Variants in ADAMTSL1 observed in about 807,000 individuals in gnomAD.
ADAMTSL1 encodes ADAMTS-like protein 1.
In ADAMTSL1, 126 loss-of-function variants were observed where a neutral mutation model predicts 201.8. The ratio of observed to expected loss-of-function variants is 0.62; its 90% confidence interval spans 0.54 to 0.72. ADAMTSL1 has a LOEUF of 0.72. Ranked by LOEUF, ADAMTSL1 falls within the 30% of genes least tolerant of loss-of-function variation. The pLI is 0.00. For missense variants in ADAMTSL1, 2,679 were observed against 2,277.8 expected (o/e 1.18, Z -3.59); for synonymous variants, 1,121 against 903.4 (o/e 1.24, Z -4.32).
chr9:18,261,012 CTTTTTTTTT>C (rs3085417), intron 2 of ADAMTSL1, among the ~76,000 whole-genome samples: 1 of 104,232 alleles, frequency 9.6e-6, no homozygotes, highest in African/African-American at 3.7e-5. Context: ...TTTCCTTTTT[CTTTTTTTTT>C]TTTTTTTGTG....
intron 1 of ADAMTSL1, among the ~76,000 whole-genome samples, chr9:18,100,322 C>T (rs1050448884): frequency 2.6e-5 from 4 of 152,040 alleles, no homozygotes; most frequent in Non-Finnish European, 5.9e-5. Context: ...GCTCTATCAC[C>T]CAGGCTAGAG....
At chr9:18,025,602 T>C (rs1021623725) in intron 1 of ADAMTSL1, among the ~76,000 whole-genome samples, 3 of 152,120 alleles carry the variant, frequency 2.0e-5, no homozygotes, top group Non-Finnish European at 4.4e-5. Context: ...TTCTGTTCCA[T>C]TGGTCTATGT....
intron 1 of ADAMTSL1, among the ~76,000 whole-genome samples, chr9:18,040,026 AC>A (rs1184297188): frequency 1.3e-5 from 2 of 152,170 alleles, no homozygotes; most frequent in African/African-American, 2.4e-5. Context: ...GATGGTCCTG[AC>A]TTATGCCTAT....
intron 2 of ADAMTSL1, among the ~76,000 whole-genome samples, chr9:18,350,266 T>C (rs546010950): frequency 1.6e-4 from 25 of 152,056 alleles, no homozygotes; most frequent in African/African-American, 5.8e-4. Context: ...CTCGGAACAA[T>C]GGCTTTATTC....
intron 1 of ADAMTSL1, among the ~76,000 whole-genome samples, chr9:18,486,428 G>A (rs1299501257): frequency 6.6e-6 from 1 of 152,212 alleles, no homozygotes; most frequent in Admixed American, 6.5e-5. Context: ...GGCCTAGCCA[G>A]CATGGTGGCC....
Position 18,181,027 on chromosome 9 carries a change from C to A in ADAMTSL1, c.207+17046C>A, listed in dbSNP as rs548175157. Among the ~76,000 whole-genome samples, 9 of 152,148 alleles carry A rather than the reference C, an allele frequency of 5.9e-5. No individual in the cohort carries two copies. The South Asian group carries it at 8.3e-4, about 14-fold the overall frequency. On this transcript the variant is annotated intron_variant, in intron 2 of 29. Coordinates refer to the ADAMTSL1 transcript ENST00000680146. ...CTTTGACAAACCTGACAAAAACAAG[C>A]AATGGGGAAAGGATTCCCTATTTAA... is the stretch of plus-strand genomic sequence containing the variant.
At position 18,530,927 on chromosome 9, in the gene ADAMTSL1, C is replaced by A. The variant is rs965209940; in HGVS notation, c.192-2320C>A. Among the ~76,000 whole-genome samples, 3 of 152,220 alleles carry A rather than the reference C, an allele frequency of 2.0e-5. 1 individual carries two copies. In the South Asian group the frequency reaches 6.2e-4, roughly 32 times the overall value. On this transcript the variant is annotated intron_variant, in intron 2 of 28. Transcript: ENST00000380548. ...GGAACTTCAAAATTGAAAAGCATAC[C>A]ACATTTTGCAAACACCAGTGTCTAG...
intron 25 of ADAMTSL1, 56 bp from the exon 26 acceptor site, chr9:18,892,333 C>G: frequency 6.5e-7 from 1 of 1,544,380 alleles, no homozygotes; most frequent in South Asian, 1.2e-5. Flanking sequence ...GAGGAGGTCT[C>G]TTTTCCCCAG....
Position 17,955,974 on chromosome 9 carries a change from A to C in ADAMTSL1, c.87+49052A>C, listed in dbSNP as rs576732976. 1.8e-4 allele frequency among the ~76,000 whole-genome samples: 28 copies of C among 152,294 alleles called. No individual in the cohort carries two copies. The South Asian group carries it at 5.6e-3, about 30-fold the overall frequency. ...AATTTCCCTTTTAGACACATTTTTTAAAACAAATCTGAAAGCTTTCAAAGC... is the reference window on the plus strand; with the variant it reads ...AATTTCCCTTTTAGACACATTTTTTCAAACAAATCTGAAAGCTTTCAAAGC... On this transcript the variant is annotated intron_variant, in intron 1 of 29. Transcript: ENST00000680146.
chr9:18,898,352 C>T (rs944384023), intron 26 of ADAMTSL1, among the ~76,000 whole-genome samples: 1 of 152,182 alleles, frequency 6.6e-6, no homozygotes, highest in African/African-American at 2.4e-5. Context: ...GAAAACACAA[C>T]ACGAGAAATT....
chr9:18,869,058 C>T lies in ADAMTSL1; in HGVS notation c.4250-18773C>T, dbSNP rs761338331. On this transcript the variant is annotated intron_variant, in intron 23 of 28. Coordinates refer to ENST00000380548, the MANE Select transcript of ADAMTSL1 (RefSeq NM_001040272.6). ...TATGGAAAGGTGAAATTTAGATATA[C>T]GCAGACATGCACACAAGGCAGAACT... Among the ~76,000 whole-genome samples the T allele has an allele frequency of 4.6e-5, 7 of 152,164 alleles. No individual in the cohort carries two copies. The South Asian group carries it at 8.3e-4, about 18-fold the overall frequency.
chr9:18,664,372 C>A (rs1473815100), intron 9 of ADAMTSL1, among the ~76,000 whole-genome samples: 1 of 151,502 alleles, frequency 6.6e-6, no homozygotes, highest in Non-Finnish European at 1.5e-5. Flanking sequence ...AGAATCAAAC[C>A]CCCAGGAAGC....
intron 20 of ADAMTSL1, among the ~76,000 whole-genome samples, chr9:18,797,250 G>A (rs1027851437): frequency 4.6e-5 from 7 of 152,226 alleles, no homozygotes; most frequent in Non-Finnish European, 7.3e-5. Flanking sequence ...GTATAGGTCT[G>A]CTGGAAAGTC....
chr9:18,386,223 T>G (rs566905556), intron 2 of ADAMTSL1, among the ~76,000 whole-genome samples: 1 of 152,306 alleles, frequency 6.6e-6, no homozygotes, highest in South Asian at 2.1e-4. Flanking sequence ...AATATACTGT[T>G]GGTTCATGGA....
At chr9:18,718,711 A>T (rs1273285296) in intron 14 of ADAMTSL1, among the ~76,000 whole-genome samples, 1 of 152,170 alleles carries the variant, frequency 6.6e-6, no homozygotes, top group South Asian at 2.1e-4. Context: ...CCTAAGTTCT[A>T]TCAAGAAGGA....
chr9:18,249,455 A>C (rs1184228032), intron 2 of ADAMTSL1, among the ~76,000 whole-genome samples: 1 of 152,170 alleles, frequency 6.6e-6, no homozygotes, highest in East Asian at 1.9e-4. Flanking sequence ...TAACATAGAG[A>C]CATCAATATA....
At chr9:18,698,197 A>G (rs151065039) in intron 13 of ADAMTSL1, among the ~76,000 whole-genome samples, 235 of 152,336 alleles carry the variant, frequency 1.5e-3, no homozygotes, top group African/African-American at 5.3e-3. Flanking sequence ...TAGAAGCTTC[A>G]TGTACACTGA....
At chr9:18,498,337 C>CTT (rs1462592812) in intron 1 of ADAMTSL1, among the ~76,000 whole-genome samples, 2 of 144,696 alleles carry the variant, frequency 1.4e-5, no homozygotes, top group South Asian at 2.2e-4. Context: ...CCCCCCACCC[C>CTT]CTTTTTTTTT....
chr9:18,048,156 T>C (rs1173693271), intron 1 of ADAMTSL1, among the ~76,000 whole-genome samples: 4 of 152,214 alleles, frequency 2.6e-5, no homozygotes, highest in Non-Finnish European at 4.4e-5. Context: ...TATTGTGTCA[T>C]GGTATGTACT....
Sources: allele counts gnomAD v4.1 joint callset (sites outside exome capture counted in the v4.1 genomes callset), GRCh38; gene constraint gnomAD v4.1.1; transcripts MANE v1.5; gene names NCBI Gene and HGNC (gene_info 2026-07-23, HGNC 2026-07-21).